POLR1A: variants seen among roughly 807,000 people sequenced by gnomAD.
POLR1A encodes DNA-directed RNA polymerase I subunit RPA1.
POLR1A carries 84 observed loss-of-function variants against 205.3 expected under a neutral mutation model. That is an observed-to-expected ratio of 0.41 (90% CI 0.34 to 0.49). The LOEUF is 0.49. POLR1A is among the 20% of genes least tolerant of loss of function. The probability of loss-of-function intolerance (pLI) is 0.22; values close to 1 mark genes in which losing one functional copy is unlikely to be tolerated. For synonymous variants in POLR1A, 799 were observed against 863.7 expected (o/e 0.93, Z 1.31); for missense variants, 1,645 against 2,204.5 (o/e 0.75, Z 5.08).
intron 30 of POLR1A, 132 bp downstream of exon 30, chr2:86,031,198 G>GAGT: frequency 7.4e-7 from 1 of 1,346,454 alleles, no homozygotes; most frequent in Non-Finnish European, 9.7e-7. Context: ...GCTGTGCTCT[G>GAGT]AGTGGGAGAC....
intron 28 of POLR1A, among the ~76,000 whole-genome samples, chr2:86,033,322 GA>G (rs1672428737): frequency 6.6e-6 from 1 of 152,242 alleles, no homozygotes; most frequent in African/African-American, 2.4e-5. Flanking sequence ...AAGGAAACCG[GA>G]AAAAGAACTT....
intron 13 of POLR1A, among the ~76,000 whole-genome samples, chr2:86,066,621 A>G (rs747216399): frequency 7.9e-5 from 12 of 152,342 alleles, no homozygotes; most frequent in Non-Finnish European, 1.5e-4. Flanking sequence ...AGCCAACAGT[A>G]TGGTCATGTT....
intron 16 of POLR1A, among the ~76,000 whole-genome samples, chr2:86,049,786 T>C (rs781639381): frequency 1.3e-5 from 2 of 152,206 alleles, no homozygotes; most frequent in Non-Finnish European, 2.9e-5. Context: ...TCCCTCAGCA[T>C]TGCTTCAGGA....
intron 6 of POLR1A, among the ~76,000 whole-genome samples, chr2:86,085,207 C>T (rs531980091): frequency 1.3e-5 from 2 of 152,114 alleles, no homozygotes; most frequent in African/African-American, 2.4e-5. Flanking sequence ...GCAATCCGCC[C>T]GCCTCAGCCT....
rs1245889897 is a variant in POLR1A at position 86,023,505 on chromosome 2, C to T, written c.*3918G>A. 6.6e-6 allele frequency: 1 copy of T among 152,186 alleles called. No individual in the cohort carries two copies. The highest frequency in any genetic ancestry group is 1.9e-4 in the East Asian group (1 of 5,196). The allele number at this position is 152,186 out of a possible 1,614,324, so 9.4% of individuals were successfully genotyped here. A position where few individuals can be genotyped will look rare whatever the true frequency, so the allele number is the denominator to read the frequency against. ...GGTGCAGAACACTTAAGGGTCCCAACATCTGATTGAAACACAGCCCACACC... is the reference window on the plus strand; with the variant it reads ...GGTGCAGAACACTTAAGGGTCCCAATATCTGATTGAAACACAGCCCACACC... On this transcript the variant is annotated 3_prime_UTR_variant, in exon 34 of 34. Coordinates refer to ENST00000263857, the MANE Select transcript of POLR1A (RefSeq NM_015425.6).
chr2:86,049,831 C>CCTT (rs1672771260), intron 16 of POLR1A, among the ~76,000 whole-genome samples: 1 of 152,150 alleles, frequency 6.6e-6, no homozygotes, highest in South Asian at 2.1e-4. Flanking sequence ...TGAAGCCTGC[C>CCTT]CTTCTGGCTC....
rs757940196 is a variant in POLR1A at position 86,042,958 on chromosome 2, C to G, written c.3357+16G>C. ...TGGACGTGCTGGACATTAAGGACAC[C>G]ACCTCCCTGCATCACCTCCTGAGTC... On this transcript the variant is annotated intron_variant, in intron 23 of 33. Transcript: ENST00000263857. 1.3e-6 allele frequency: 2 copies of G among 1,593,246 alleles called. No homozygotes were observed. The highest frequency in any genetic ancestry group is 1.1e-5 in the South Asian group (1 of 90,638).
Position 86,100,089 on chromosome 2 carries a change from G to T in POLR1A, c.161C>A (p.Ala54Asp). 6.2e-7 allele frequency: 1 copy of T among 1,614,204 alleles called. No homozygotes were observed. The highest frequency in any genetic ancestry group is 1.1e-5 in the South Asian group (1 of 91,086). Residue 54 changes from alanine to aspartate, a missense_variant, in exon 2 of 34, where the codon GCT becomes GAT. Around this residue, in one of 16 missense-constraint regions of POLR1A, gnomAD observed 330 missense variants for 375.6 expected, o/e 0.88. Transcript: ENST00000263857. ...CTCTTTGGAATCTGCAGGGCCCAAA[G>T]CTAAATCGTACAGGCCGTTTGCCGA... ...NPSANGLYDLALGPADSKEVC... is the reference protein window; with the variant it reads ...NPSANGLYDLDLGPADSKEVC...
At chr2:86,069,656 T>C (rs534681278) in intron 13 of POLR1A, among the ~76,000 whole-genome samples, 2 of 152,346 alleles carry the variant, frequency 1.3e-5, no homozygotes, top group Non-Finnish European at 2.9e-5. Context: ...AAGTCATCAG[T>C]GGACCATGAG....
At chr2:86,029,773 G>A (rs1482361607) in intron 31 of POLR1A, among the ~76,000 whole-genome samples, 1 of 145,600 alleles carries the variant, frequency 6.9e-6, no homozygotes, top group Non-Finnish European at 1.5e-5. Flanking sequence ...TTTTTTTTTT[G>A]TATTTTTTAG....
Position 86,052,445 on chromosome 2 carries a change from C to T in POLR1A, c.2392+372G>A, listed in dbSNP as rs78190716. 6.9e-3 allele frequency among the ~76,000 whole-genome samples: 1,050 copies of T among 152,254 alleles called. 21 individuals carry two copies. The highest frequency in any genetic ancestry group is 0.024 in the African/African-American group (1,006 of 41,546). On this transcript the variant is annotated intron_variant, in intron 16 of 33. Transcript: ENST00000263857. ...CGAGGGTGCCATTCTGCACTGTGAA[C>T]GGGAATAAGCACTGGCTGTGGAGGA...
chr2:86,092,344 C>T (rs61620607), intron 3 of POLR1A, among the ~76,000 whole-genome samples: 51,351 of 152,030 alleles, frequency 0.34, 14,572 homozygotes, highest in African/African-American at 0.78. Context: ...GAGATGGGGC[C>T]TCTAGGCCAG....
chr2:86,026,946 TTCCTGCTC>T lies in POLR1A; in HGVS notation c.*469_*476del. On this transcript the variant is annotated 3_prime_UTR_variant, in exon 34 of 34. Transcript: ENST00000263857. ...CAGGCCTTGGGCAGCAGGCTCCACG[TTCCTGCTC>T]ATCGGGAGCCCCCAGGAATCTTGTC... 2.2e-5 allele frequency: 4 copies of T among 178,994 alleles called. No individual in the cohort carries two copies. The highest frequency in any genetic ancestry group is 1.3e-4 in the East Asian group (1 of 7,666). 11.1% of individuals were successfully genotyped at this position (178,994 alleles called of 1,614,324 possible).
At position 86,028,038 on chromosome 2, in the gene POLR1A, C is replaced by T. The variant is rs193068975; in HGVS notation, c.4909G>A (p.Asp1637Asn). The T allele has an allele frequency of 7.4e-5, 119 of 1,614,166 alleles. No homozygotes were observed. In the Admixed American group the frequency reaches 1.8e-3, roughly 24 times the overall value. Reference sequence around the variant, plus strand: ...GCAACCAGGGAGAGATGGCGAGGGTCGACCGCGATGCCTGTCAAACGGGAG... The same window carrying T: ...GCAACCAGGGAGAGATGGCGAGGGTTGACCGCGATGCCTGTCAAACGGGAG... ...DVFAVYGIAV[D>N]PRHLSLVADY... The change falls in exon 33 of 34, where the codon GAC becomes AAC. Residue 1637 changes from aspartate to asparagine, a missense_variant. By Grantham distance (23) the Asp-to-Asn change is conservative (BLOSUM62 1). This residue lies in a region of POLR1A where 86 missense variants were observed against 149.8 expected (regional missense o/e 0.57). Transcript: ENST00000263857. This position sits in a 1 kb window ranked among gnomAD's most constrained non-coding sequence, Gnocchi z 4.5.
rs770680979 is a variant in POLR1A at position 86,078,209 on chromosome 2, A to T, written c.1162T>A (p.Tyr388Asn). 3 of 1,613,086 alleles carry T rather than the reference A, an allele frequency of 1.9e-6. No homozygotes were observed. The East Asian group carries it at 6.7e-5, about 36-fold the overall frequency. ...LPGQSLIDKLYNIWIRLQSHV... is the reference protein window; with the variant it reads ...LPGQSLIDKLNNIWIRLQSHV... ...CTCTGAAGGCGAATCCAAATGTTGTAAAGTTTGTCTATGAGGGACTGGCCT... is the reference window on the plus strand; with the variant it reads ...CTCTGAAGGCGAATCCAAATGTTGTTAAGTTTGTCTATGAGGGACTGGCCT... The change falls in exon 10 of 34, where the codon TAC (tyrosine) becomes AAC (asparagine). Residue 388 changes from tyrosine to asparagine, a missense_variant. Around this residue, in one of 16 missense-constraint regions of POLR1A, gnomAD observed 78 missense variants for 77.7 expected, o/e 1.00. Coordinates refer to ENST00000263857, the MANE Select transcript of POLR1A (RefSeq NM_015425.6).
intron 9 of POLR1A, 123 bp from the exon 10 acceptor site, chr2:86,078,407 A>G: frequency 3.0e-6 from 2 of 675,458 alleles, no homozygotes; most frequent in Non-Finnish European, 5.0e-6. Context: ...ATCTCCTCTG[A>G]ACCTGACAGA....
intron 12 of POLR1A, among the ~76,000 whole-genome samples, chr2:86,072,609 T>G (rs933682668): frequency 2.0e-5 from 3 of 152,192 alleles, no homozygotes; most frequent in Non-Finnish European, 4.4e-5. Context: ...CAGTGAAAAT[T>G]AGCGTGCCCC....
chr2:86,033,394 C>T (rs188885993), intron 28 of POLR1A, among the ~76,000 whole-genome samples: 1 of 152,244 alleles, frequency 6.6e-6, no homozygotes, highest in Non-Finnish European at 1.5e-5. Flanking sequence ...CCACTTACAG[C>T]GGGCTCTTGG....
chr2:86,066,974 T>C (rs1366516101), intron 13 of POLR1A, among the ~76,000 whole-genome samples: 1 of 152,204 alleles, frequency 6.6e-6, no homozygotes, highest in Non-Finnish European at 1.5e-5. Context: ...TCTCACAGTC[T>C]TTGGGGGGCA....
Sources: allele counts gnomAD v4.1 joint callset (sites outside exome capture counted in the v4.1 genomes callset), GRCh38; gene constraint gnomAD v4.1.1; regional missense constraint gnomAD v4.1.1; non-coding constraint Gnocchi (gnomAD v3.1); transcripts MANE v1.5; gene names NCBI Gene and HGNC (gene_info 2026-07-23, HGNC 2026-07-21).